RMND1: variants seen among roughly 807,000 people sequenced by gnomAD.
RMND1 encodes required for meiotic nuclear division 1 homolog.
In RMND1, 41 loss-of-function variants were observed where a neutral mutation model predicts 54.0. The ratio of observed to expected loss-of-function variants is 0.76; its 90% CI spans 0.59 to 0.98. The LOEUF (loss-of-function observed/expected upper bound fraction) is 0.98, where lower values mean the gene tolerates loss of function less well. Among genes scored for constraint, RMND1 ranks in the 50% least tolerant of loss-of-function variants. The probability of loss-of-function intolerance (pLI) is 0.00; values close to 1 mark genes in which losing one functional copy is unlikely to be tolerated. For missense variants in RMND1, 457 were observed against 532.0 expected (o/e 0.86, Z 1.39); for synonymous variants, 183 against 181.7 (o/e 1.01, Z -0.06).
At chr6:151,428,378 A>T (rs1405114298) in intron 5 of RMND1, among the ~76,000 whole-genome samples, 4 of 152,194 alleles carry the variant, frequency 2.6e-5, no homozygotes, top group Non-Finnish European at 5.9e-5. Flanking sequence ...GACGAACTGC[A>T]ATTTATTTAA....
rs1779577111 is a variant in RMND1, at chr6:151,405,381, C to T, written c.1318-114G>A. 3.0e-6 allele frequency: 3 copies of T among 986,466 alleles called. No homozygotes were observed. In the South Asian group the frequency reaches 4.4e-5, roughly 15 times the overall value. The allele number at this position is 986,466 out of a possible 1,614,324, so 61.1% of individuals were successfully genotyped here. On this transcript the variant is annotated intron_variant, in intron 11 of 11. Coordinates refer to ENST00000444024, the MANE Select transcript of RMND1 (RefSeq NM_017909.4). Reference sequence around the variant, plus strand: ...GCTCCTGAAGTAAGGTAAATGTTTGCCCTTTCTCACGTGGCAACCTATGAA... The same window carrying T: ...GCTCCTGAAGTAAGGTAAATGTTTGTCCTTTCTCACGTGGCAACCTATGAA...
intron 5 of RMND1, among the ~76,000 whole-genome samples, chr6:151,429,669 T>TA (rs1438569741): frequency 2.1e-4 from 32 of 152,324 alleles, no homozygotes; most frequent in African/African-American, 7.2e-4. Flanking sequence ...TTTCTAGGTG[T>TA]AAAATTACTG....
intron 4 of RMND1, among the ~76,000 whole-genome samples, 185 bp downstream of exon 4, chr6:151,432,970 G>T (rs942724643): frequency 6.6e-6 from 1 of 152,088 alleles, no homozygotes; most frequent in Admixed American, 6.5e-5. Flanking sequence ...TTATAAGAGG[G>T]TTTACCAGAG....
chr6:151,425,931 G>A (rs2114942592), intron 6 of RMND1, among the ~76,000 whole-genome samples: 1 of 148,476 alleles, frequency 6.7e-6, no homozygotes, highest in South Asian at 2.1e-4. Context: ...TCTTCCCAAA[G>A]CTCTGCTTTT....
chr6:151,414,104 C>T (rs561961461), intron 10 of RMND1, among the ~76,000 whole-genome samples: 84 of 152,268 alleles, frequency 5.5e-4, no homozygotes, highest in Non-Finnish European at 7.5e-4. Context: ...GGGTCTCACT[C>T]TGTCACCTAG....
chr6:151,405,357 C>T (rs758143612), intron 11 of RMND1, 90 bp from the exon 12 acceptor site: 29 of 1,232,394 alleles, frequency 2.4e-5, no homozygotes, highest in Non-Finnish European at 3.2e-5. Context: ...ATGAGAAATG[C>T]TCCTGAAGTA....
rs6926067 is a variant in RMND1 at position 151,451,488 on chromosome 6, G to A, written c.-15+528C>T. On this transcript the variant is annotated intron_variant, in intron 1 of 11. Transcript: ENST00000444024. ...AAATACGTGAGACACAAAGCTAAAG[G>A]AAAAAAATAAGAGGAAAGGGCAGAT... 8.0e-3 allele frequency among the ~76,000 whole-genome samples: 1,210 copies of A among 152,156 alleles called. 15 individuals carry two copies. Among genetic ancestry groups the A allele is most frequent in the African/African-American group, 0.027 (1,138 of 41,504 alleles).
intron 10 of RMND1, among the ~76,000 whole-genome samples, chr6:151,409,883 C>T (rs1002398712): frequency 6.6e-6 from 1 of 152,126 alleles, no homozygotes; most frequent in African/African-American, 2.4e-5. Flanking sequence ...GAAAATGGAG[C>T]GAGGGATCCA....
In RMND1 at chr6:151,433,160, G is replaced by A; in HGVS notation, c.684C>T (p.Phe228=). ...GGGTTTCTTTCCTGTCTTACCTGAAGAAGAATATTGTTCCAGGATCACCTT... is the reference window on the plus strand; with the variant it reads ...GGGTTTCTTTCCTGTCTTACCTGAAAAAGAATATTGTTCCAGGATCACCTT... The part of the protein sequence containing the change: ...AKEGDPGTIF[F]FREGAAVFWN... Residue 228 remains phenylalanine (F), a synonymous_variant, in exon 4 of 12, where the codon TTC becomes TTT. Coordinates refer to ENST00000444024, the MANE Select transcript of RMND1 (RefSeq NM_017909.4). 3 of 1,607,722 alleles carry A rather than the reference G, an allele frequency of 1.9e-6. No individual in the cohort carries two copies. Among genetic ancestry groups the A allele is most frequent in the Non-Finnish European group, 2.6e-6 (3 of 1,175,256 alleles).
intron 9 of RMND1, among the ~76,000 whole-genome samples, 188 bp from the exon 10 acceptor site, chr6:151,417,587 C>G (rs1011789362): frequency 3.3e-5 from 5 of 151,800 alleles, no homozygotes; most frequent in Non-Finnish European, 5.9e-5. Context: ...AACTCCTGGG[C>G]TCAAGCTGTT....
At chr6:151,413,276 C>T (rs1779911654) in intron 10 of RMND1, among the ~76,000 whole-genome samples, 1 of 152,114 alleles carries the variant, frequency 6.6e-6, no homozygotes, top group African/African-American at 2.4e-5. Flanking sequence ...TTTTTTGAGA[C>T]AGTCTCACTC....
intron 6 of RMND1, among the ~76,000 whole-genome samples, chr6:151,424,015 T>A (rs1295745688): frequency 6.6e-6 from 1 of 151,622 alleles, no homozygotes; most frequent in Non-Finnish European, 1.5e-5. Context: ...ACCCAGCTAA[T>A]TTTTTTTGTA....
chr6:151,405,066 A>C lies in RMND1; in HGVS notation c.*169T>G. On this transcript the variant is annotated 3_prime_UTR_variant, in exon 12 of 12. Transcript: ENST00000444024. ...GTATTTTTAGTAGAGATGGGGTTTC[A>C]CCATGTTGGCCAGGCTTGTCTTGAG... 8.8e-6 allele frequency: 5 copies of C among 565,528 alleles called. No homozygotes were observed. In the South Asian group the frequency reaches 1.1e-4, roughly 12 times the overall value. 35.0% of individuals were successfully genotyped at this position (565,528 alleles called of 1,614,324 possible).
intron 5 of RMND1, 121 bp from the exon 6 acceptor site, chr6:151,427,703 T>C: frequency 1.6e-6 from 1 of 619,324 alleles, no homozygotes; most frequent in Non-Finnish European, 2.8e-6. Context: ...GTTGCATGTT[T>C]TTAAGGAAAA....
In RMND1 at chr6:151,422,607, T is replaced by TG; in HGVS notation, c.938-3dup. ...ATGCTTCCCAAATTGCCAGTTTTAC[T>TG]GGGAAAAAAATTAATAATGGAACAT... On this transcript the variant is annotated splice_polypyrimidine_tract_variant and splice_region_variant and intron_variant, in intron 7 of 11. Transcript: ENST00000444024. 1 of 1,475,990 alleles carries TG rather than the reference T, an allele frequency of 6.8e-7. No homozygotes were observed. The highest frequency in any genetic ancestry group is 1.3e-5 in the South Asian group (1 of 76,116). 91.4% of individuals were successfully genotyped at this position (1,475,990 alleles called of 1,614,324 possible).
chr6:151,451,606 G>A (rs2114983403), intron 1 of RMND1, among the ~76,000 whole-genome samples: 2 of 152,262 alleles, frequency 1.3e-5, no homozygotes, highest in South Asian at 2.1e-4. Context: ...CCAGCACATA[G>A]TAGGCATTCG....
Position 151,405,742 on chromosome 6 carries a change from A to G in RMND1, c.1295T>C (p.Ile432Thr), listed in dbSNP as rs1411929426. ...TACCTCTATGGTAATGAGGATGACAATCATCCACTCCAAGCGGAGTGCCCT... is the reference window on the plus strand; with the variant it reads ...TACCTCTATGGTAATGAGGATGACAGTCATCCACTCCAAGCGGAGTGCCCT... ...EKRALRLEWM[I>T]VILITIEVMF... Residue 432 changes from isoleucine to threonine, a missense_variant, in exon 11 of 12, where the codon ATT becomes ACT. Coordinates refer to ENST00000444024, the MANE Select transcript of RMND1 (RefSeq NM_017909.4). 3 of 1,566,622 alleles carry G rather than the reference A, an allele frequency of 1.9e-6. No homozygotes were observed. The highest frequency in any genetic ancestry group is 2.7e-5 in the African/African-American group (2 of 74,148).
chr6:151,445,260 A>G (rs1780917723), intron 2 of RMND1, 48 bp downstream of exon 2: 2 of 1,555,354 alleles, frequency 1.3e-6, no homozygotes, highest in African/African-American at 1.4e-5. Context: ...CTGGTTTAGC[A>G]TGAGCAATGA....
At chr6:151,433,810 C>T (rs1442386000) in intron 3 of RMND1, among the ~76,000 whole-genome samples, 1 of 151,426 alleles carries the variant, frequency 6.6e-6, no homozygotes, top group Non-Finnish European at 1.5e-5. Flanking sequence ...CCACCTGCAA[C>T]TATTTAAAAA....
Sources: allele counts gnomAD v4.1 joint callset (sites outside exome capture counted in the v4.1 genomes callset), GRCh38; gene constraint gnomAD v4.1.1; transcripts MANE v1.5; gene names NCBI Gene and HGNC (gene_info 2026-07-23, HGNC 2026-07-21).